PRRC2B: variants seen among roughly 807,000 people sequenced by gnomAD.
The protein encoded by PRRC2B is protein PRRC2B.
A neutral mutation model predicts 242.3 loss-of-function variants in PRRC2B; 68 were observed. The observed-to-expected ratio is 0.28, with a 90% CI of 0.23 to 0.34. The LOEUF (loss-of-function observed/expected upper bound fraction) is 0.34. PRRC2B is among the 10% of genes least tolerant of loss of function. The probability of loss-of-function intolerance (pLI) is 1.00; values close to 1 mark genes in which losing one functional copy is unlikely to be tolerated. For missense variants in PRRC2B, 2,835 were observed against 2,954.8 expected (o/e 0.96, Z 0.94); for synonymous variants, 1,228 against 1,173.6 (o/e 1.05, Z -0.95).
intron 10 of PRRC2B, among the ~76,000 whole-genome samples, chr9:131,458,310 C>T (rs1052749197): frequency 6.6e-6 from 1 of 152,110 alleles, no homozygotes; most frequent in Admixed American, 6.5e-5. Context: ...GAGCTCCTCC[C>T]TGTGAGGGGT....
At chr9:131,402,944 C>CTT (rs1564274262) in intron 1 of PRRC2B, among the ~76,000 whole-genome samples, 1 of 152,186 alleles carries the variant, frequency 6.6e-6, no homozygotes, top group African/African-American at 2.4e-5. Context: ...CTCCGGGAAG[C>CTT]CGGCGTCAAC....
chr9:131,378,658 C>A (rs1016425123), intron 1 of PRRC2B, among the ~76,000 whole-genome samples: 2 of 152,086 alleles, frequency 1.3e-5, no homozygotes, highest in Admixed American at 6.6e-5. Context: ...TAGTGAAATA[C>A]CAGCTTTTTG....
intron 12 of PRRC2B, among the ~76,000 whole-genome samples, chr9:131,466,062 A>G (rs937095380): frequency 2.6e-5 from 4 of 152,262 alleles, no homozygotes; most frequent in African/African-American, 9.6e-5. Context: ...GCAGTGCTCT[A>G]TAATGCAGAG....
intron 1 of PRRC2B, among the ~76,000 whole-genome samples, chr9:131,425,224 G>A (rs1054069551): frequency 6.6e-6 from 1 of 152,126 alleles, no homozygotes; most frequent in Admixed American, 6.5e-5. Flanking sequence ...GACCTCAGGT[G>A]ATCCTCTCGC....
intron 13 of PRRC2B, among the ~76,000 whole-genome samples, chr9:131,469,316 A>G (rs951142128): frequency 1.3e-5 from 2 of 152,196 alleles, no homozygotes; most frequent in Non-Finnish European, 2.9e-5. Context: ...CCTGGGTGAC[A>G]GAGCGAGACT....
chr9:131,467,973 TC>T (rs1320502224), intron 13 of PRRC2B, among the ~76,000 whole-genome samples: 1 of 152,116 alleles, frequency 6.6e-6, no homozygotes, highest in Non-Finnish European at 1.5e-5. Flanking sequence ...GTGGTGGAGG[TC>T]CCTGGGAATG....
At chr9:131,447,857 A>G (rs2131390899) in intron 9 of PRRC2B, 53 bp downstream of exon 9, 1 of 1,543,048 alleles carries the variant, frequency 6.5e-7, no homozygotes, top group Admixed American at 1.9e-5. Context: ...GTCCATATGT[A>G]CTTACCAGGG....
chr9:131,432,755 C>G lies in PRRC2B; in HGVS notation c.254C>G (p.Thr85Arg). The G allele has an allele frequency of 6.2e-7, 1 of 1,614,034 alleles. No individual in the cohort carries two copies. Among genetic ancestry groups the G allele is most frequent in the South Asian group, 1.1e-5 (1 of 91,082 alleles). Residue 85 changes from threonine to arginine, a missense_variant, in exon 3 of 32, where the codon ACG becomes AGG. Around this residue, in one of 7 missense-constraint regions of PRRC2B, gnomAD observed 626 missense variants for 685.5 expected, o/e 0.91. Transcript: ENST00000683519. ...ATCGTGATAGTACCCAAGGACGGGA[C>G]GGGATGGGCAAACAAGCAGGATCAG... ...PNIVIVPKDG[T>R]GWANKQDQQD...
chr9:131,413,492 G>A lies in PRRC2B; in HGVS notation c.-51-16602G>A, dbSNP rs141992474. ...CGTTCAAGTGCTATTTCTTTACAGC[G>A]TCAGGGAACAAGCATTTCAAACATA... On this transcript the variant is annotated intron_variant, in intron 1 of 31. Coordinates refer to ENST00000683519, the MANE Select transcript of PRRC2B (RefSeq NM_013318.4). Among the ~76,000 whole-genome samples, 16 of 152,240 alleles carry A rather than the reference G, an allele frequency of 1.1e-4. No individual in the cohort carries two copies. The East Asian group carries it at 2.5e-3, about 24-fold the overall frequency.
At chr9:131,418,155 G>A (rs1837707948) in intron 1 of PRRC2B, among the ~76,000 whole-genome samples, 1 of 152,260 alleles carries the variant, frequency 6.6e-6, no homozygotes. Flanking sequence ...GTGCCAAGGA[G>A]CATTGCATCA....
At chr9:131,440,013 C>A (rs1390770905) in intron 5 of PRRC2B, among the ~76,000 whole-genome samples, 1 of 151,988 alleles carries the variant, frequency 6.6e-6, no homozygotes, top group Non-Finnish European at 1.5e-5. Flanking sequence ...TCCCAAGTAG[C>A]TGGGGCTGGG....
At chr9:131,448,559 A>AAAAACAAAAAAAAAAC (rs1838899988) in intron 9 of PRRC2B, among the ~76,000 whole-genome samples, 1 of 135,268 alleles carries the variant, frequency 7.4e-6, no homozygotes, top group Non-Finnish European at 1.6e-5. Flanking sequence ...AAAAAAAAAA[A>AAAAACAAAAAAAAAAC]AAAAAAAAAA....
chr9:131,401,554 T>G (rs1348632476), intron 1 of PRRC2B, among the ~76,000 whole-genome samples: 2 of 152,124 alleles, frequency 1.3e-5, no homozygotes, highest in African/African-American at 4.8e-5. Flanking sequence ...TTTCACCATG[T>G]TGGCTAGTCT....
intron 1 of PRRC2B, among the ~76,000 whole-genome samples, chr9:131,386,159 C>T (rs1836823776): frequency 6.7e-6 from 1 of 150,040 alleles, no homozygotes; most frequent in African/African-American, 2.4e-5. Flanking sequence ...GTTGCCCAGG[C>T]TGGAGTGCAG....
At chr9:131,380,415 T>A (rs1836740256) in intron 1 of PRRC2B, among the ~76,000 whole-genome samples, 1 of 151,742 alleles carries the variant, frequency 6.6e-6, no homozygotes, top group South Asian at 2.1e-4. Context: ...TTATCTCTAC[T>A]AAAAATACAA....
intron 1 of PRRC2B, among the ~76,000 whole-genome samples, chr9:131,420,016 C>G (rs1286486832): frequency 6.6e-6 from 1 of 152,078 alleles, no homozygotes; most frequent in African/African-American, 2.4e-5. Flanking sequence ...CTGGAGAACC[C>G]CCCAGTTCTC....
chr9:131,453,042 G>A lies in PRRC2B; in HGVS notation c.1121-2034G>A, dbSNP rs116985443. ...AAGTGAGATGTTAAACTCCAATTAT[G>A]GATTTATCTGTTCCTCCCTTTAATA... is the stretch of plus-strand genomic sequence containing the variant. On this transcript the variant is annotated intron_variant, in intron 9 of 31. Transcript: ENST00000683519. Among the ~76,000 whole-genome samples the A allele has an allele frequency of 3.3e-5, 5 of 152,248 alleles. No homozygotes were observed. The East Asian group carries it at 9.6e-4, about 29-fold the overall frequency.
At chr9:131,495,142 G>A (rs530698277) in intron 31 of PRRC2B, among the ~76,000 whole-genome samples, 13 of 151,898 alleles carry the variant, frequency 8.6e-5, no homozygotes, top group African/African-American at 2.9e-4. Flanking sequence ...CAGACCTGGT[G>A]GGGGGCAGAT....
intron 1 of PRRC2B, among the ~76,000 whole-genome samples, chr9:131,379,664 C>T (rs1836730777): frequency 7.2e-6 from 1 of 139,702 alleles, no homozygotes; most frequent in African/African-American, 2.6e-5. Flanking sequence ...CTCACTCTGT[C>T]ACCCAGGCTG....
Sources: allele counts gnomAD v4.1 joint callset (sites outside exome capture counted in the v4.1 genomes callset), GRCh38; gene constraint gnomAD v4.1.1; regional missense constraint gnomAD v4.1.1; transcripts MANE v1.5; gene names NCBI Gene and HGNC (gene_info 2026-07-23, HGNC 2026-07-21).